PRKCA: variants seen among roughly 807,000 people sequenced by gnomAD.
PRKCA encodes the protein protein kinase C alpha.
In PRKCA, 27 loss-of-function variants were observed where a neutral mutation model predicts 87.0. The ratio of observed to expected loss-of-function variants is 0.31; its 90% CI spans 0.23 to 0.43. The LOEUF (loss-of-function observed/expected upper bound fraction) is 0.43, where lower values mean the gene tolerates loss of function less well. Ranked by LOEUF, PRKCA falls within the 20% of genes least tolerant of loss-of-function variation. The pLI, the probability that PRKCA is intolerant of heterozygous loss-of-function variation, is 1.00. For synonymous variants in PRKCA, 329 were observed against 311.1 expected (o/e 1.06, Z -0.61); for missense variants, 518 against 852.3 (o/e 0.61, Z 4.88).
Position 66,389,764 on chromosome 17 carries a change from T to A in PRKCA, c.205+83637T>A, listed in dbSNP as rs1007429732. Among the ~76,000 whole-genome samples the A allele has an allele frequency of 5.9e-5, 9 of 152,346 alleles. No individual in the cohort carries two copies. In the South Asian group the frequency reaches 1.4e-3, roughly 25 times the overall value. On this transcript the variant is annotated intron_variant, in intron 2 of 16. Coordinates refer to ENST00000413366, the MANE Select transcript of PRKCA (RefSeq NM_002737.3). ...CTGATCAAGTTCATCTATTGTTTGATGTTGGTTGAGAAAATCATTGATCCT... is the reference window on the plus strand; with the variant it reads ...CTGATCAAGTTCATCTATTGTTTGAAGTTGGTTGAGAAAATCATTGATCCT...
At chr17:66,366,522 T>C (rs1209397666) in intron 2 of PRKCA, among the ~76,000 whole-genome samples, 3 of 152,170 alleles carry the variant, frequency 2.0e-5, no homozygotes, top group African/African-American at 7.2e-5. Flanking sequence ...TGGGAAGAGA[T>C]CTTAATTGAC....
chr17:66,374,291 G>GTGT (rs1489066176), intron 2 of PRKCA, among the ~76,000 whole-genome samples: 1 of 152,174 alleles, frequency 6.6e-6, no homozygotes, highest in Non-Finnish European at 1.5e-5. Context: ...CAGCTCTTCT[G>GTGT]TGTGCTAAGT....
chr17:66,690,714 GC>G (rs1330204568), intron 8 of PRKCA, among the ~76,000 whole-genome samples: 1 of 150,752 alleles, frequency 6.6e-6, no homozygotes, highest in Non-Finnish European at 1.5e-5. Flanking sequence ...TGTACTCCCA[GC>G]TACTCCAGAG....
Position 66,782,496 on chromosome 17 carries a change from G to A in PRKCA, c.1606-4371G>A, listed in dbSNP as rs529641515. On this transcript the variant is annotated intron_variant, in intron 14 of 16. Coordinates refer to ENST00000413366, the MANE Select transcript of PRKCA (RefSeq NM_002737.3). Reference sequence around the variant, plus strand: ...GGGGAAGCAACACAGAAGCTGCATCGGCCAGCAGCTGGGAAGGAGGGAGGC... The same window carrying A: ...GGGGAAGCAACACAGAAGCTGCATCAGCCAGCAGCTGGGAAGGAGGGAGGC... 2.0e-5 allele frequency among the ~76,000 whole-genome samples: 3 copies of A among 152,126 alleles called. No individual in the cohort carries two copies. The East Asian group carries it at 5.8e-4, about 29-fold the overall frequency.
intron 2 of PRKCA, among the ~76,000 whole-genome samples, chr17:66,396,783 C>T (rs1476042213): frequency 1.3e-5 from 2 of 151,668 alleles, no homozygotes; most frequent in African/African-American, 2.4e-5. Context: ...CACCCGCCAC[C>T]ATGCCTCGCC....
At chr17:66,683,217 C>T (rs1362100236) in intron 5 of PRKCA, among the ~76,000 whole-genome samples, 1 of 152,196 alleles carries the variant, frequency 6.6e-6, no homozygotes, top group African/African-American at 2.4e-5. Flanking sequence ...GGCAAACAAT[C>T]TTGGTTTTCT....
rs1568030817 is a variant in PRKCA at position 66,781,895 on chromosome 17, T to TATATATA, written c.1606-4972_1606-4971insATATATA. ...TATATATATATATATATAGTGTGTG[T>TATATATA]GTGTGTGTGTGTGTGTGTGTGTGAG... On this transcript the variant is annotated intron_variant, in intron 14 of 16. Transcript: ENST00000413366. Among the ~76,000 whole-genome samples, 3 of 143,382 alleles carry TATATATA rather than the reference T, an allele frequency of 2.1e-5. No homozygotes were observed. In the East Asian group the frequency reaches 6.3e-4, roughly 30 times the overall value. The allele number at this position is 143,382 out of a possible 152,430, so 94.1% of individuals were successfully genotyped here.
At chr17:66,610,127 G>T (rs773145166) in intron 3 of PRKCA, among the ~76,000 whole-genome samples, 1 of 152,096 alleles carries the variant, frequency 6.6e-6, no homozygotes, top group Non-Finnish European at 1.5e-5. Context: ...GCTACAAATT[G>T]ACCCCCTTTT....
chr17:66,514,616 G>C (rs1966904941), intron 3 of PRKCA, among the ~76,000 whole-genome samples: 2 of 152,118 alleles, frequency 1.3e-5, no homozygotes, highest in African/African-American at 4.8e-5. Context: ...CCAGCGTTTA[G>C]TTTAGCTGTC....
intron 13 of PRKCA, among the ~76,000 whole-genome samples, chr17:66,767,720 T>C (rs953797399): frequency 7.2e-5 from 11 of 152,030 alleles, no homozygotes; most frequent in African/African-American, 2.4e-4. Context: ...AGAATCACAG[T>C]GACAGGAGGC....
chr17:66,688,285 G>T lies in PRKCA; in HGVS notation c.687-17G>T, dbSNP rs770433964. On this transcript the variant is annotated splice_polypyrimidine_tract_variant and intron_variant, in intron 6 of 16. Coordinates refer to ENST00000413366, the MANE Select transcript of PRKCA (RefSeq NM_002737.3). ...GATCAAGATAACCTAGTGTTTGCAT[G>T]TGTGTGTGTCTTGTAGCAAATTGAA... 1 of 1,610,004 alleles carries T rather than the reference G, an allele frequency of 6.2e-7. No individual in the cohort carries two copies. The highest frequency in any genetic ancestry group is 1.7e-4 in the Middle Eastern group (1 of 6,046).
chr17:66,460,056 C>CTTT (rs1420784931), intron 2 of PRKCA, among the ~76,000 whole-genome samples: 1 of 152,204 alleles, frequency 6.6e-6, no homozygotes, highest in Non-Finnish European at 1.5e-5. Flanking sequence ...TTAACCTTTG[C>CTTT]TTTCTGCTCC....
At chr17:66,423,364 T>A (rs1218240561) in intron 2 of PRKCA, among the ~76,000 whole-genome samples, 1 of 152,216 alleles carries the variant, frequency 6.6e-6, no homozygotes, top group Admixed American at 6.5e-5. Flanking sequence ...GATCCCATAT[T>A]TGGAAATCTT....
intron 8 of PRKCA, among the ~76,000 whole-genome samples, chr17:66,706,279 G>A (rs1160791739): frequency 6.6e-6 from 1 of 152,084 alleles, no homozygotes; most frequent in Non-Finnish European, 1.5e-5. Context: ...AAATAGCGAA[G>A]GGATCAGTGA....
At chr17:66,626,486 C>T (rs376260815) in intron 3 of PRKCA, among the ~76,000 whole-genome samples, 33 of 151,754 alleles carry the variant, frequency 2.2e-4, no homozygotes, top group African/African-American at 7.5e-4. Context: ...CTCAGCCTCC[C>T]GAGTAGCTGG....
At chr17:66,514,766 C>T (rs1381282047) in intron 3 of PRKCA, among the ~76,000 whole-genome samples, 6 of 152,054 alleles carry the variant, frequency 3.9e-5, no homozygotes, top group East Asian at 1.9e-4. Flanking sequence ...TTGTTAAGGC[C>T]GTTCCCATTC....
chr17:66,680,360 C>G (rs1271729519), intron 5 of PRKCA, among the ~76,000 whole-genome samples: 1 of 152,150 alleles, frequency 6.6e-6, no homozygotes, highest in East Asian at 1.9e-4. Flanking sequence ...ACGGGGTCAG[C>G]ACAGACTGAA....
intron 2 of PRKCA, among the ~76,000 whole-genome samples, chr17:66,340,315 CCA>C (rs1428026257): frequency 1.3e-5 from 2 of 151,332 alleles, no homozygotes; most frequent in Non-Finnish European, 2.9e-5. Flanking sequence ...ACTTAGCCCT[CCA>C]CAAGGGACTG....
At chr17:66,420,272 G>A (rs1912414823) in intron 2 of PRKCA, among the ~76,000 whole-genome samples, 1 of 152,064 alleles carries the variant, frequency 6.6e-6, no homozygotes, top group Non-Finnish European at 1.5e-5. Context: ...GCCTCCCAAA[G>A]TGCTAGGATG....
Sources: allele counts gnomAD v4.1 joint callset (sites outside exome capture counted in the v4.1 genomes callset), GRCh38; gene constraint gnomAD v4.1.1; transcripts MANE v1.5; gene names NCBI Gene and HGNC (gene_info 2026-07-23, HGNC 2026-07-21).